NRDC: variants seen among roughly 807,000 people sequenced by gnomAD.
NRDC encodes the protein nardilysin.
NRDC carries 54 observed loss-of-function variants against 147.1 expected under a neutral mutation model. The ratio of observed to expected loss-of-function variants is 0.37; its 90% CI spans 0.29 to 0.46. The LOEUF is 0.46. NRDC is among the 20% of genes least tolerant of loss of function. The pLI is 1.00. For synonymous variants in NRDC, 440 were observed against 482.1 expected (o/e 0.91, Z 1.14); for missense variants, 1,082 against 1,370.6 (o/e 0.79, Z 3.33).
Position 51,814,261 on chromosome 1 carries a change from TA to T in NRDC, c.1620-173del, listed in dbSNP as rs767838297. ...CCACCGTGACACAAGTTTACCTACA[TA>T]ACAAACCTGCACATATACCCCTGAA... On this transcript the variant is annotated intron_variant, in intron 13 of 30. Coordinates refer to ENST00000352171, the MANE Select transcript of NRDC (RefSeq NM_001101662.2). 668 of 596,464 alleles carry T rather than the reference TA, an allele frequency of 1.1e-3. 2 individuals carry two copies. Among genetic ancestry groups the T allele is most frequent in the Non-Finnish European group, 1.2e-3 (414 of 334,204 alleles). The allele number at this position is 596,464 out of a possible 1,614,324, so 36.9% of individuals were successfully genotyped here. A position where few individuals can be genotyped will look rare whatever the true frequency, so the allele number is the denominator to read the frequency against.
intron 1 of NRDC, among the ~76,000 whole-genome samples, chr1:51,842,053 T>G (rs1681291758): frequency 6.6e-6 from 1 of 152,094 alleles, no homozygotes; most frequent in South Asian, 2.1e-4. Flanking sequence ...GCGCCTGTAG[T>G]CCCATCTACT....
chr1:51,821,590 T>C, intron 7 of NRDC, 35 bp from the exon 8 acceptor site: 1 of 1,346,136 alleles, frequency 7.4e-7, no homozygotes, highest in Non-Finnish European at 1.1e-6. Flanking sequence ...GACAGGAAAA[T>C]GCAATGACAT....
At chr1:51,846,537 C>T (rs919602161) in intron 1 of NRDC, among the ~76,000 whole-genome samples, 1 of 152,214 alleles carries the variant, frequency 6.6e-6, no homozygotes, top group Non-Finnish European at 1.5e-5. Context: ...TTCTTAAAAG[C>T]GGCTTGTTTG....
rs187178210 is a variant in NRDC at position 51,803,042 on chromosome 1, C to G, written c.2313+772G>C. Among the ~76,000 whole-genome samples, 222 of 152,226 alleles carry G rather than the reference C, an allele frequency of 1.5e-3. 1 individual carries two copies. The highest frequency in any genetic ancestry group is 5.7e-3 in the Admixed American group (87 of 15,298). On this transcript the variant is annotated intron_variant, in intron 20 of 30. Transcript: ENST00000352171. ...TAAGAGATTAATAACTGACATGATA[C>G]AGACCCTGCTTCGGAAAGGTTCATA...
At chr1:51,854,511 G>C (rs74608299) in intron 1 of NRDC, among the ~76,000 whole-genome samples, 1 of 152,204 alleles carries the variant, frequency 6.6e-6, no homozygotes, top group Non-Finnish European at 1.5e-5. Flanking sequence ...TTGAGATGAC[G>C]CAGGGACCCC....
At chr1:51,809,802 A>T (rs1202157968) in intron 16 of NRDC, among the ~76,000 whole-genome samples, 1 of 152,028 alleles carries the variant, frequency 6.6e-6, no homozygotes, top group Non-Finnish European at 1.5e-5. Context: ...CTTGGGAAGC[A>T]GGGACAGGAG....
rs570553136 is a variant in NRDC at position 51,796,733 on chromosome 1, A to G, written c.2604+1516T>C. 2.2e-3 allele frequency among the ~76,000 whole-genome samples: 332 copies of G among 151,220 alleles called. 4 individuals carry two copies. Among genetic ancestry groups the G allele is most frequent in the Non-Finnish European group, 3.0e-4 (20 of 67,780 alleles). ...CTCCCGAGTAGCTGGAACTACAGGCATGTGCCACCAAGCCCGGCTAATTTT... is the reference window on the plus strand; with the variant it reads ...CTCCCGAGTAGCTGGAACTACAGGCGTGTGCCACCAAGCCCGGCTAATTTT... On this transcript the variant is annotated intron_variant, in intron 22 of 30. Coordinates refer to ENST00000352171, the MANE Select transcript of NRDC (RefSeq NM_001101662.2).
intron 1 of NRDC, among the ~76,000 whole-genome samples, chr1:51,850,266 A>G (rs780279391): frequency 1.3e-5 from 2 of 152,192 alleles, no homozygotes; most frequent in Non-Finnish European, 2.9e-5. Flanking sequence ...ACACCAACAG[A>G]TCAATGAAAG....
At chr1:51,823,481 C>T (rs1487541401) in intron 7 of NRDC, among the ~76,000 whole-genome samples, 183 bp downstream of exon 7, 1 of 152,188 alleles carries the variant, frequency 6.6e-6, no homozygotes, top group Non-Finnish European at 1.5e-5. Context: ...AGAATCTCAT[C>T]ATCTTGTGTT....
intron 4 of NRDC, among the ~76,000 whole-genome samples, chr1:51,831,234 AT>A (rs1680692632): frequency 6.6e-6 from 1 of 152,190 alleles, no homozygotes; most frequent in East Asian, 1.9e-4. Context: ...TTTATACCAA[AT>A]TTCATCATCT....
intron 1 of NRDC, among the ~76,000 whole-genome samples, chr1:51,861,514 T>TTA (rs1557937360): frequency 1.3e-4 from 19 of 145,810 alleles, no homozygotes; most frequent in East Asian, 5.9e-4. Context: ...TATTATTATT[T>TTA]TTTTTTATTT....
chr1:51,819,099 C>A (rs970313263), intron 9 of NRDC, among the ~76,000 whole-genome samples: 9 of 152,070 alleles, frequency 5.9e-5, no homozygotes, highest in Admixed American at 1.3e-4. Context: ...GCCAGGAGTT[C>A]GAGACCAGCC....
At chr1:51,811,923 A>G in intron 15 of NRDC, 71 bp downstream of exon 15, 1 of 1,004,934 alleles carries the variant, frequency 1.0e-6, no homozygotes, top group Non-Finnish European at 1.5e-6. Context: ...CATGGTTCTT[A>G]AATACATCTT....
chr1:51,791,833 CA>C (rs1021680933), intron 26 of NRDC, among the ~76,000 whole-genome samples, 172 bp from the exon 27 acceptor site: 21 of 152,176 alleles, frequency 1.4e-4, no homozygotes, highest in African/African-American at 5.1e-4. Context: ...TTGGGGACCA[CA>C]AACTAGCCTT....
At chr1:51,837,300 C>G (rs1045257737) in intron 2 of NRDC, among the ~76,000 whole-genome samples, 3 of 152,160 alleles carry the variant, frequency 2.0e-5, no homozygotes, top group African/African-American at 7.2e-5. Context: ...ATAGCATGTA[C>G]CTGGCATAAA....
intron 1 of NRDC, among the ~76,000 whole-genome samples, chr1:51,864,637 AT>A (rs1228831515): frequency 1.3e-5 from 2 of 151,428 alleles, no homozygotes; most frequent in Non-Finnish European, 1.5e-5. Flanking sequence ...GGTTATCCAT[AT>A]TTTTTTTTAA....
chr1:51,789,601 A>G lies in NRDC; in HGVS notation c.3225T>C (p.His1075=), dbSNP rs143030910. 8 of 1,613,616 alleles carry G rather than the reference A, an allele frequency of 5.0e-6. No individual in the cohort carries two copies. Among genetic ancestry groups the G allele is most frequent in the South Asian group, 3.3e-5 (3 of 91,078 alleles). ...TGAGCATTTTACTTCCTGGCCCTCT[A>G]TGGGCCTTGAACCAGTTGACCAGGT... ...KSDLVNWFKA[H]RGPGSKMLSV... Residue 1075 remains histidine (H), a synonymous_variant, in exon 30 of 31, where the codon CAT becomes CAC. Coordinates refer to ENST00000352171, the MANE Select transcript of NRDC (RefSeq NM_001101662.2).
intron 24 of NRDC, among the ~76,000 whole-genome samples, chr1:51,793,586 C>T (rs1053255918): frequency 3.3e-5 from 5 of 152,224 alleles, no homozygotes; most frequent in African/African-American, 4.8e-5. Flanking sequence ...AGTGAATTTG[C>T]TCCTGACAGC....
At chr1:51,859,454 C>G (rs1038226162) in intron 1 of NRDC, among the ~76,000 whole-genome samples, 5 of 152,226 alleles carry the variant, frequency 3.3e-5, no homozygotes, top group African/African-American at 1.2e-4. Flanking sequence ...TTCTCAATGC[C>G]TAGGCCACCA....
Sources: gnomAD v4.1 joint callset for allele counts (sites outside exome capture counted in the v4.1 genomes callset) on GRCh38, gnomAD v4.1.1 for gene constraint, MANE v1.5 for transcripts, NCBI Gene and HGNC (gene_info 2026-07-23, HGNC 2026-07-21) for gene names.